The following APOBEC3D variants were observed in gnomAD, a reference collection of about 807,000 sequenced individuals.
APOBEC3D encodes the protein DNA dC->dU-editing enzyme APOBEC-3D.
Under a neutral mutation model 45.6 loss-of-function variants are expected in APOBEC3D, and 37 were observed. The ratio of observed to expected loss-of-function variants is 0.81; its 90% CI spans 0.62 to 1.07. The LOEUF (loss-of-function observed/expected upper bound fraction) is 1.07. Ranked by LOEUF, APOBEC3D falls within the 50% of genes least tolerant of loss-of-function variation. The pLI is 0.00. For synonymous variants in APOBEC3D, 175 were observed against 180.7 expected (o/e 0.97, Z 0.25); for missense variants, 496 against 495.3 (o/e 1.00, Z -0.01).
At chr22:39,021,758 G>T (rs1228677019) in intron 1 of APOBEC3D, among the ~76,000 whole-genome samples, 1 of 152,152 alleles carries the variant, frequency 6.6e-6, no homozygotes, top group African/African-American at 2.4e-5. Context: ...CACAGTCCAG[G>T]CCCCCTCCTG....
At chr22:39,029,869 C>T (rs1221155689) in intron 5 of APOBEC3D, among the ~76,000 whole-genome samples, 2 of 152,244 alleles carry the variant, frequency 1.3e-5, no homozygotes, top group Non-Finnish European at 2.9e-5. Flanking sequence ...GCTTGGCCTC[C>T]CAACGTTCTA....
chr22:39,021,485 G>C lies in APOBEC3D; in HGVS notation c.-35G>C. The C allele has an allele frequency of 6.2e-7, 1 of 1,614,134 alleles. No individual in the cohort carries two copies. The highest frequency in any genetic ancestry group is 8.5e-7 in the Non-Finnish European group (1 of 1,179,986). ...GAAACCACAGCACTTCAAAAAAAGAGGGAGACTGGGACAAGCGTATCTAAG... is the reference window on the plus strand; with the variant it reads ...GAAACCACAGCACTTCAAAAAAAGACGGAGACTGGGACAAGCGTATCTAAG... On this transcript the variant is annotated 5_prime_UTR_variant, in exon 1 of 7. Transcript: ENST00000216099.
At chr22:39,031,178 TA>T (rs1926179736) in intron 5 of APOBEC3D, among the ~76,000 whole-genome samples, 1 of 150,944 alleles carries the variant, frequency 6.6e-6, no homozygotes. Flanking sequence ...AAAAAAATAA[TA>T]AAAAAATAAA....
chr22:39,024,088 A>G (rs3884935), intron 2 of APOBEC3D, among the ~76,000 whole-genome samples: 47,335 of 152,192 alleles, frequency 0.31, 8,038 homozygotes, highest in Middle Eastern at 0.42. Flanking sequence ...AAAGGCGACA[A>G]GAACCGGTGA....
intron 5 of APOBEC3D, among the ~76,000 whole-genome samples, chr22:39,030,881 C>T (rs1320132271): frequency 2.0e-5 from 3 of 152,182 alleles, no homozygotes; most frequent in Admixed American, 1.3e-4. Flanking sequence ...AGCGCGGTGG[C>T]TCACGCCTGT....
rs140300593 is a variant in APOBEC3D, at chr22:39,025,794, AC to A, written c.605+128del. On this transcript the variant is annotated intron_variant, in intron 4 of 6. Coordinates refer to ENST00000216099, the MANE Select transcript of APOBEC3D (RefSeq NM_152426.4). ...CCCCCCTGCCTGCCCTCATGGTTAC[AC>A]CCCCTCACCCACACTCCTCATGCTC... 8,738 of 1,540,092 alleles carry A rather than the reference AC, an allele frequency of 5.7e-3. 112 individuals are homozygous for A. Among genetic ancestry groups the A allele is most frequent in the African/African-American group, 0.045 (3,181 of 70,118 alleles).
chr22:39,022,469 T>A (rs1249020405), intron 1 of APOBEC3D, among the ~76,000 whole-genome samples: 1 of 152,212 alleles, frequency 6.6e-6, no homozygotes, highest in Non-Finnish European at 1.5e-5. Flanking sequence ...AGGAAGGAAT[T>A]GAGCTGAAAG....
chr22:39,027,899 G>C lies in APOBEC3D; in HGVS notation c.606-1464G>C, dbSNP rs958289549. Among the ~76,000 whole-genome samples the C allele has an allele frequency of 3.3e-5, 5 of 152,332 alleles. No homozygotes were observed. The East Asian group carries it at 9.6e-4, about 29-fold the overall frequency. ...AGATTCTCCCCTGAGAGTCATGCCCGGGCTGGTGCTCCCCGCCTTGGGAGG... is the reference window on the plus strand; with the variant it reads ...AGATTCTCCCCTGAGAGTCATGCCCCGGCTGGTGCTCCCCGCCTTGGGAGG... On this transcript the variant is annotated intron_variant, in intron 4 of 6. Coordinates refer to ENST00000216099, the MANE Select transcript of APOBEC3D (RefSeq NM_152426.4).
chr22:39,021,425 G>A lies in APOBEC3D; in HGVS notation c.-95G>A. ...CCGGCCGGGAGGTCACTTTAAGGAG[G>A]GCTGTCCAACTGCAAGGAGCCGCAA... is the stretch of plus-strand genomic sequence containing the variant. On this transcript the variant is annotated 5_prime_UTR_variant, in exon 1 of 7. Transcript: ENST00000216099. 2 of 1,586,960 alleles carry A rather than the reference G, an allele frequency of 1.3e-6. No homozygotes were observed. The highest frequency in any genetic ancestry group is 2.2e-5 in the East Asian group (1 of 44,494).
Position 39,031,876 on chromosome 22 carries a change from C to T in APOBEC3D, c.945C>T (p.Phe315=). The part of the protein sequence containing the change: ...ARHSNVNLTI[F]TARLCYFWDT... ...ACAGCAACGTGAATCTCACCATCTT[C>T]ACCGCCCGCCTCTGCTACTTCTGGG... Residue 315 remains phenylalanine, a synonymous_variant, in exon 6 of 7, where the codon TTC becomes TTT. Coordinates refer to ENST00000216099, the MANE Select transcript of APOBEC3D (RefSeq NM_152426.4). 7 of 1,614,192 alleles carry T rather than the reference C, an allele frequency of 4.3e-6. No homozygotes were observed. Among genetic ancestry groups the T allele is most frequent in the Non-Finnish European group, 5.9e-6 (7 of 1,180,034 alleles).
At chr22:39,022,628 C>A (rs1276531854) in intron 1 of APOBEC3D, among the ~76,000 whole-genome samples, 194 bp from the exon 2 acceptor site, 1 of 152,150 alleles carries the variant, frequency 6.6e-6, no homozygotes, top group Non-Finnish European at 1.5e-5. Flanking sequence ...GAGATCACCC[C>A]AGCCCCCCTG....
intron 4 of APOBEC3D, among the ~76,000 whole-genome samples, chr22:39,026,164 T>G (rs191091476): frequency 2.0e-5 from 3 of 152,228 alleles, no homozygotes; most frequent in African/African-American, 7.2e-5. Context: ...GGGCAGGCAT[T>G]TATTTTCTCA....
chr22:39,022,766 C>T (rs1925246018), intron 1 of APOBEC3D, 56 bp from the exon 2 acceptor site: 1 of 1,569,042 alleles, frequency 6.4e-7, no homozygotes, highest in Non-Finnish European at 8.6e-7. Flanking sequence ...GGACATGAGC[C>T]CCGAGGACTC....
intron 2 of APOBEC3D, 112 bp from the exon 3 acceptor site, chr22:39,024,958 T>A: frequency 9.9e-7 from 1 of 1,015,222 alleles, no homozygotes; most frequent in South Asian, 1.7e-5. Flanking sequence ...GAAAGGAGCT[T>A]CAATGGCAAG....
chr22:39,026,576 C>G (rs1925686590), intron 4 of APOBEC3D, among the ~76,000 whole-genome samples: 1 of 152,090 alleles, frequency 6.6e-6, no homozygotes. Context: ...GTCTCCCAGG[C>G]GAGTCCTGCC....
chr22:39,024,068 C>T (rs941229046), intron 2 of APOBEC3D, among the ~76,000 whole-genome samples: 4 of 152,152 alleles, frequency 2.6e-5, no homozygotes, highest in African/African-American at 9.7e-5. Flanking sequence ...TTCCAGTCCC[C>T]ACACGCTAAA....
In APOBEC3D at chr22:39,025,055, C is replaced by G. The variant is rs1198146770; in HGVS notation, c.211-15C>G. ...CCCCGTCCCAGAGCTTCCCCTGCCC[C>G]TGCTCCTCTCCCAGGTGTATTTCCG... On this transcript the variant is annotated splice_polypyrimidine_tract_variant and intron_variant, in intron 2 of 6. Coordinates refer to ENST00000216099, the MANE Select transcript of APOBEC3D (RefSeq NM_152426.4). 2 of 1,560,822 alleles carry G rather than the reference C, an allele frequency of 1.3e-6. No individual in the cohort carries two copies. The highest frequency in any genetic ancestry group is 2.7e-5 in the African/African-American group (2 of 73,798).
intron 4 of APOBEC3D, among the ~76,000 whole-genome samples, chr22:39,026,946 T>C (rs1346042044): frequency 2.0e-5 from 3 of 152,078 alleles, no homozygotes; most frequent in African/African-American, 7.2e-5. Context: ...AGACGGGGTT[T>C]TGCAATGTTG....
In APOBEC3D at chr22:39,032,588, T is replaced by C. The variant is rs1601479077; in HGVS notation, c.*272T>C. 1 of 725,454 alleles carries C rather than the reference T, an allele frequency of 1.4e-6. No homozygotes were observed. Among genetic ancestry groups the C allele is most frequent in the Non-Finnish European group, 1.7e-6 (1 of 601,316 alleles). The allele number at this position is 725,454 out of a possible 1,614,324, so 44.9% of individuals were successfully genotyped here. A position where few individuals can be genotyped will look rare whatever the true frequency, so the allele number is the denominator to read the frequency against. The stretch of plus-strand genomic sequence containing the variant: ...TTCCCATCTCCCCAGCATAACCAAA[T>C]CTTTTTTTTTTTTTTTTTTTTTTGA... On this transcript the variant is annotated 3_prime_UTR_variant, in exon 7 of 7. Coordinates refer to ENST00000216099, the MANE Select transcript of APOBEC3D (RefSeq NM_152426.4).
Sources: gnomAD v4.1 joint callset for allele counts (sites outside exome capture counted in the v4.1 genomes callset) on GRCh38, gnomAD v4.1.1 for gene constraint, MANE v1.5 for transcripts, NCBI Gene and HGNC (gene_info 2026-07-23, HGNC 2026-07-21) for gene names.